Variants in PAX5 observed in about 807,000 individuals in gnomAD.
PAX5 encodes paired box 5, also known as paired box protein Pax-5.
In PAX5, 9 loss-of-function variants were observed where a neutral mutation model predicts 43.7. The ratio of observed to expected loss-of-function variants is 0.21; its 90% CI spans 0.12 to 0.36. The LOEUF is 0.36. Among genes scored for constraint, PAX5 ranks in the 10% least tolerant of loss-of-function variants. The pLI is 1.00. For synonymous variants in PAX5, 228 were observed against 214.3 expected (o/e 1.06, Z -0.56); for missense variants, 383 against 532.7 (o/e 0.72, Z 2.77).
At chr9:36,871,441 A>G (rs1825485502) in intron 8 of PAX5, among the ~76,000 whole-genome samples, 1 of 152,158 alleles carries the variant, frequency 6.6e-6, no homozygotes, top group Non-Finnish European at 1.5e-5. Flanking sequence ...CTAACCTCTC[A>G]GGGCTGGGAG....
At chr9:36,953,365 C>G (rs912130930) in intron 6 of PAX5, among the ~76,000 whole-genome samples, 5 of 152,132 alleles carry the variant, frequency 3.3e-5, no homozygotes, top group African/African-American at 9.7e-5. Context: ...TGGTTAGCAT[C>G]TGTCACTAAT....
At chr9:36,856,752 T>C (rs1026421404) in intron 8 of PAX5, among the ~76,000 whole-genome samples, 3 of 152,146 alleles carry the variant, frequency 2.0e-5, no homozygotes, top group Admixed American at 2.0e-4. Context: ...TTAGCCAGGA[T>C]GGTCTTGATC....
At chr9:36,993,788 C>A (rs973065803) in intron 5 of PAX5, among the ~76,000 whole-genome samples, 3 of 152,244 alleles carry the variant, frequency 2.0e-5, no homozygotes, top group South Asian at 2.1e-4. Flanking sequence ...GACTATATCC[C>A]CCTCCATCGG....
chr9:36,890,865 G>T (rs567153707), intron 7 of PAX5, among the ~76,000 whole-genome samples: 1 of 152,338 alleles, frequency 6.6e-6, no homozygotes, highest in East Asian at 1.9e-4. Flanking sequence ...TAGGCTGGGC[G>T]CAGTGGCTCA....
intron 6 of PAX5, among the ~76,000 whole-genome samples, chr9:36,941,818 G>A (rs1440496869): frequency 6.6e-6 from 1 of 152,042 alleles, no homozygotes; most frequent in Admixed American, 6.6e-5. Context: ...ATGGAGAAAT[G>A]GTTACACCTG....
chr9:36,906,877 G>A (rs961084951), intron 7 of PAX5, among the ~76,000 whole-genome samples: 2 of 147,468 alleles, frequency 1.4e-5, no homozygotes, highest in Non-Finnish European at 3.0e-5. Context: ...TATAGATGAG[G>A]AGACTGAGGT....
chr9:36,961,677 C>T (rs1444322532), intron 6 of PAX5, among the ~76,000 whole-genome samples: 2 of 152,200 alleles, frequency 1.3e-5, no homozygotes, highest in East Asian at 1.9e-4. Flanking sequence ...AGAGTAAATA[C>T]GGCAGGCTAT....
At chr9:36,974,536 C>T (rs1835260497) in intron 5 of PAX5, among the ~76,000 whole-genome samples, 1 of 152,128 alleles carries the variant, frequency 6.6e-6, no homozygotes, top group Non-Finnish European at 1.5e-5. Context: ...AGTGGCAACG[C>T]TGGGATTTGT....
intron 5 of PAX5, among the ~76,000 whole-genome samples, chr9:36,980,958 ACCTCGTTT>A (rs1835860943): frequency 6.6e-6 from 1 of 150,686 alleles, no homozygotes; most frequent in Non-Finnish European, 1.5e-5. Flanking sequence ...CACCTTTCTG[ACCTCGTTT>A]CCTCCCACTC....
intron 8 of PAX5, among the ~76,000 whole-genome samples, chr9:36,857,614 C>T (rs1448713787): frequency 6.6e-6 from 1 of 152,202 alleles, no homozygotes; most frequent in African/African-American, 2.4e-5. Context: ...GGCTTGAGGA[C>T]ATTCAAATGT....
chr9:37,031,487 G>C (rs1840978050), intron 1 of PAX5, among the ~76,000 whole-genome samples: 2 of 152,166 alleles, frequency 1.3e-5, no homozygotes, highest in African/African-American at 2.4e-5. Context: ...CGGATCTAAG[G>C]ACTCAAGGGT....
intron 7 of PAX5, among the ~76,000 whole-genome samples, chr9:36,889,260 G>T (rs1051258643): frequency 6.6e-5 from 10 of 152,280 alleles, no homozygotes; most frequent in Admixed American, 5.9e-4. Context: ...TAAGGTTGCG[G>T]TTATAATCCC....
chr9:36,881,932 T>C, intron 8 of PAX5, 72 bp downstream of exon 8: 2 of 1,106,494 alleles, frequency 1.8e-6, no homozygotes, highest in South Asian at 1.3e-5. Flanking sequence ...CCCAGGCTGT[T>C]TGGGGGGGGA....
chr9:36,855,524 A>G (rs1823579164), intron 8 of PAX5, among the ~76,000 whole-genome samples: 1 of 152,194 alleles, frequency 6.6e-6, no homozygotes, highest in Non-Finnish European at 1.5e-5. Flanking sequence ...AAGCCTCACT[A>G]GGGTGCAAGA....
At chr9:36,940,827 G>C (rs2132058171) in intron 6 of PAX5, among the ~76,000 whole-genome samples, 1 of 152,308 alleles carries the variant, frequency 6.6e-6, no homozygotes, top group South Asian at 2.1e-4. Context: ...TGAATCTCCA[G>C]GTACCTAGAG....
At chr9:36,906,941 G>A (rs1587933298) in intron 7 of PAX5, among the ~76,000 whole-genome samples, 1 of 152,170 alleles carries the variant, frequency 6.6e-6, no homozygotes, top group Admixed American at 6.5e-5. Flanking sequence ...ATTCATAAGT[G>A]GCAGAGCTGG....
chr9:36,842,972 G>A (rs531077920), intron 9 of PAX5, among the ~76,000 whole-genome samples: 50 of 152,356 alleles, frequency 3.3e-4, no homozygotes, highest in Non-Finnish European at 6.0e-4. Context: ...CAGCACATGC[G>A]AGGGTGTGTG....
chr9:36,979,162 G>A (rs1368633155), intron 5 of PAX5, among the ~76,000 whole-genome samples: 7 of 152,104 alleles, frequency 4.6e-5, no homozygotes, highest in Admixed American at 3.3e-4. Context: ...GGACTGGCTC[G>A]ACTCCTCTTG....
intron 7 of PAX5, 134 bp downstream of exon 7, chr9:36,923,221 C>T: frequency 9.1e-7 from 1 of 1,092,908 alleles, no homozygotes; most frequent in Non-Finnish European, 1.3e-6. Context: ...CTGACCTGTT[C>T]CCAGGCCTCA....
Sources: gnomAD v4.1 joint callset for allele counts (sites outside exome capture counted in the v4.1 genomes callset) on GRCh38, gnomAD v4.1.1 for gene constraint, MANE v1.5 for transcripts, NCBI Gene and HGNC (gene_info 2026-07-23, HGNC 2026-07-21) for gene names.